Variants in ATP8A2 observed in about 807,000 individuals in gnomAD.
ATP8A2 encodes the protein ATPase phospholipid transporting 8A2.
In ATP8A2, 100 loss-of-function variants were observed where a neutral mutation model predicts 165.6. The ratio of observed to expected loss-of-function variants is 0.60; its 90% CI spans 0.51 to 0.71. The LOEUF is 0.71. ATP8A2 is among the 30% of genes least tolerant of loss of function. ATP8A2 has a pLI of 0.00. For missense variants in ATP8A2, 1,227 were observed against 1,479.5 expected (o/e 0.83, Z 2.80); for synonymous variants, 543 against 548.8 (o/e 0.99, Z 0.15).
At chr13:25,638,317 G>A (rs1319342373) in intron 24 of ATP8A2, among the ~76,000 whole-genome samples, 1 of 152,184 alleles carries the variant, frequency 6.6e-6, no homozygotes, top group Non-Finnish European at 1.5e-5. Context: ...CCAAGCTGAA[G>A]GAGGAAGTTT....
At position 25,761,884 on chromosome 13, in the gene ATP8A2, G is replaced by GA. The variant is rs1292957458; in HGVS notation, c.2385-7154dup. ...AAGCATTATGATCTAAAGAGGCCAG[G>GA]AAAAAAAACTAAGCTTAGGTGTTAG... On this transcript the variant is annotated intron_variant, in intron 25 of 36. Transcript: ENST00000381655. Among the ~76,000 whole-genome samples the GA allele has an allele frequency of 7.4e-4, 112 of 151,390 alleles. 1 individual carries two copies. The highest frequency in any genetic ancestry group is 8.3e-4 in the Non-Finnish European group (56 of 67,828).
At chr13:25,999,702 T>C (rs559635000) in intron 35 of ATP8A2, among the ~76,000 whole-genome samples, 1 of 152,250 alleles carries the variant, frequency 6.6e-6, no homozygotes, top group East Asian at 1.9e-4. Flanking sequence ...GTTTCCAACA[T>C]TGGGTCTCAC....
intron 27 of ATP8A2, among the ~76,000 whole-genome samples, chr13:25,801,612 A>G (rs1286714917): frequency 5.9e-5 from 9 of 152,080 alleles, no homozygotes; most frequent in Admixed American, 5.9e-4. Context: ...TGAATTTGCT[A>G]TTGAGAGATT....
intron 24 of ATP8A2, among the ~76,000 whole-genome samples, chr13:25,671,775 T>A (rs1457205233): frequency 6.6e-6 from 1 of 152,208 alleles, no homozygotes; most frequent in East Asian, 1.9e-4. Flanking sequence ...GGTCCTGTGG[T>A]CCTGTGATCT....
At chr13:25,769,252 T>C (rs1330595110) in intron 26 of ATP8A2, 23 bp downstream of exon 26, 2 of 1,593,850 alleles carry the variant, frequency 1.3e-6, no homozygotes, top group South Asian at 2.2e-5. Context: ...GGCGTCCAGC[T>C]GCCCTGTCCT....
chr13:25,757,895 T>C (rs1334936116), intron 25 of ATP8A2, among the ~76,000 whole-genome samples: 2 of 152,130 alleles, frequency 1.3e-5, no homozygotes, highest in Admixed American at 6.5e-5. Context: ...TGACTAGCTC[T>C]ATTCTGAAGG....
At chr13:25,557,508 C>A (rs572747584) in intron 13 of ATP8A2, among the ~76,000 whole-genome samples, 2 of 152,220 alleles carry the variant, frequency 1.3e-5, no homozygotes, top group South Asian at 2.1e-4. Context: ...TCCAGTTTTC[C>A]GGGCTTGGTT....
chr13:25,982,634 T>C (rs895911598), intron 35 of ATP8A2, among the ~76,000 whole-genome samples: 1 of 152,246 alleles, frequency 6.6e-6, no homozygotes, highest in Non-Finnish European at 1.5e-5. Flanking sequence ...AACTATGTGA[T>C]TGCAATGCAG....
rs187572436 is a variant in ATP8A2 at position 25,424,859 on chromosome 13, G to A, written c.77-44118G>A. Among the ~76,000 whole-genome samples, 739 of 152,322 alleles carry A rather than the reference G, an allele frequency of 4.9e-3. 5 individuals carry two copies. The highest frequency in any genetic ancestry group is 0.017 in the African/African-American group (713 of 41,554). On this transcript the variant is annotated intron_variant, in intron 1 of 36. Transcript: ENST00000381655. ...TGTAGTTCCAGCTACTTGGGAGGCTGAGGCAGGAGAACTGCTTGAACCCAG... is the reference window on the plus strand; with the variant it reads ...TGTAGTTCCAGCTACTTGGGAGGCTAAGGCAGGAGAACTGCTTGAACCCAG...
chr13:25,791,528 A>C (rs1313758917), intron 27 of ATP8A2, among the ~76,000 whole-genome samples: 4 of 102,042 alleles, frequency 3.9e-5, no homozygotes, highest in Middle Eastern at 4.5e-3. Flanking sequence ...CCCGAACTTA[A>C]ACACACACAC....
intron 4 of ATP8A2, among the ~76,000 whole-genome samples, chr13:25,531,121 ATATT>A (rs2038018472): frequency 2.4e-5 from 3 of 125,916 alleles, no homozygotes; most frequent in Admixed American, 1.6e-4. Flanking sequence ...CTCCCCCTAT[ATATT>A]TGTGTGTGTG....
At chr13:25,706,644 T>C (rs1192430171) in intron 25 of ATP8A2, among the ~76,000 whole-genome samples, 2 of 152,324 alleles carry the variant, frequency 1.3e-5, no homozygotes, top group Admixed American at 1.3e-4. Flanking sequence ...GATCCAATTG[T>C]ACACTTGCAC....
intron 26 of ATP8A2, among the ~76,000 whole-genome samples, chr13:25,772,461 C>T (rs2044642906): frequency 6.6e-6 from 1 of 152,050 alleles, no homozygotes; most frequent in Admixed American, 6.6e-5. Context: ...CCTTTGGAAT[C>T]CTTAATGAGC....
chr13:25,856,310 G>A (rs1422922723), intron 30 of ATP8A2, among the ~76,000 whole-genome samples: 5 of 152,264 alleles, frequency 3.3e-5, no homozygotes, highest in Non-Finnish European at 2.9e-5. Flanking sequence ...ATACTGCATG[G>A]CCTCACTTAT....
At chr13:25,483,382 G>A (rs575287309) in intron 2 of ATP8A2, among the ~76,000 whole-genome samples, 4 of 152,302 alleles carry the variant, frequency 2.6e-5, no homozygotes, top group Non-Finnish European at 4.4e-5. Context: ...ACCCCAGTAT[G>A]AGACCACCCC....
intron 33 of ATP8A2, among the ~76,000 whole-genome samples, chr13:25,885,538 G>T (rs1229251648): frequency 1.3e-5 from 2 of 152,138 alleles, no homozygotes; most frequent in African/African-American, 4.8e-5. Context: ...AGCCTGCTGG[G>T]GTAATAGTGC....
chr13:25,555,344 C>T (rs61948625), intron 13 of ATP8A2, among the ~76,000 whole-genome samples: 7,100 of 151,816 alleles, frequency 0.047, 192 homozygotes, highest in Non-Finnish European at 0.051. Context: ...TCATTTGGGA[C>T]GCTTAAAAAA....
chr13:25,506,439 A>C (rs1490690204), intron 2 of ATP8A2, among the ~76,000 whole-genome samples: 1 of 152,218 alleles, frequency 6.6e-6, no homozygotes, highest in African/African-American at 2.4e-5. Context: ...CAATATGGAA[A>C]CCAGGAGGCC....
chr13:25,409,113 T>C lies in ATP8A2; in HGVS notation c.76+36825T>C, dbSNP rs1230691743. ...AGCCCTCTTTTTTTGCAAACAACAA[T>C]TTCTGAAAATAACACTATTGGCGAG... On this transcript the variant is annotated intron_variant, in intron 1 of 36. Transcript: ENST00000381655. Among the ~76,000 whole-genome samples the C allele has an allele frequency of 9.2e-5, 14 of 152,338 alleles. No homozygotes were observed. In the East Asian group the frequency reaches 2.7e-3, roughly 29 times the overall value.
Sources: allele counts gnomAD v4.1 joint callset (sites outside exome capture counted in the v4.1 genomes callset), GRCh38; gene constraint gnomAD v4.1.1; transcripts MANE v1.5; gene names NCBI Gene and HGNC (gene_info 2026-07-23, HGNC 2026-07-21).